The following USP34 variants were observed in gnomAD, a reference collection of about 807,000 sequenced individuals.
USP34 encodes the protein ubiquitin carboxyl-terminal hydrolase 34.
A neutral mutation model predicts 460.3 loss-of-function variants in USP34; 70 were observed. That is an observed-to-expected ratio of 0.15 (90% CI 0.13 to 0.19). The LOEUF is 0.19. Among genes scored for constraint, USP34 ranks in the 10% least tolerant of loss-of-function variants. USP34 has a pLI of 1.00. For missense variants in USP34, 3,985 were observed against 4,236.2 expected, an observed-to-expected ratio of 0.94 and a Z score of 1.65; for synonymous variants, 1,647 against 1,405.3, an observed-to-expected ratio of 1.17 and a Z score of -3.85.
At chr2:61,426,869 G>A (rs576248335) in intron 1 of USP34, among the ~76,000 whole-genome samples, 34 of 152,224 alleles carry the variant, frequency 2.2e-4, no homozygotes, top group Admixed American at 1.6e-3. Context: ...GCGAGACCGT[G>A]TGTTTGGGAG....
chr2:61,439,617 G>A (rs1349541042), intron 1 of USP34, among the ~76,000 whole-genome samples: 1 of 152,144 alleles, frequency 6.6e-6, no homozygotes, highest in Non-Finnish European at 1.5e-5. Flanking sequence ...TATCTGACGG[G>A]GACTCCTGTG....
chr2:61,242,503 G>T lies in USP34; in HGVS notation c.6628-684C>A, dbSNP rs530440601. Among the ~76,000 whole-genome samples the T allele has an allele frequency of 2.0e-3, 209 of 105,332 alleles. 1 individual carries two copies. Among genetic ancestry groups the T allele is most frequent in the African/African-American group, 7.5e-3 (198 of 26,410 alleles). 69.1% of individuals were successfully genotyped at this position (105,332 alleles called of 152,430 possible). ...CACACACACACACACACACACACACGATGCAAAGGAAAGAAAAGGGACCAT... is the reference window on the plus strand; with the variant it reads ...CACACACACACACACACACACACACTATGCAAAGGAAAGAAAAGGGACCAT... On this transcript the variant is annotated intron_variant, in intron 51 of 79. Transcript: ENST00000398571.
At chr2:61,390,036 C>T (rs1254648864) in intron 5 of USP34, among the ~76,000 whole-genome samples, 1 of 152,072 alleles carries the variant, frequency 6.6e-6, no homozygotes, top group African/African-American at 2.4e-5. Context: ...ATTAAACAGT[C>T]TTTGCTAGTA....
chr2:61,287,696 A>T (rs1689730554), intron 34 of USP34, among the ~76,000 whole-genome samples: 1 of 152,220 alleles, frequency 6.6e-6, no homozygotes, highest in African/African-American at 2.4e-5. Context: ...TTACTTTAAG[A>T]ATACAGTATA....
chr2:61,417,246 C>G, intron 2 of USP34: 1 of 1,350,814 alleles, frequency 7.4e-7, no homozygotes, highest in Non-Finnish European at 1.0e-6. Context: ...TCTGAAAGGC[C>G]TGTCTCCAAG....
Position 61,265,497 on chromosome 2 carries a change from A to G in USP34, c.5678T>C (p.Phe1893Ser). ...PHEDVRAECR[F>S]VGLTNLGATC... is the part of the protein sequence containing the mutation. Reference sequence around the variant, plus strand: ...AGCTCCAAGGTTAGTAAGGCCAACAAATCTACATTCAGCACGGACATCTTC... The same window carrying G: ...AGCTCCAAGGTTAGTAAGGCCAACAGATCTACATTCAGCACGGACATCTTC... The change falls in exon 43 of 80, where the codon TTT (phenylalanine) becomes TCT (serine). Residue 1893 changes from phenylalanine to serine, a missense_variant. Phe to Ser is a radical substitution (Grantham distance 155). Around this residue, in one of 14 missense-constraint regions of USP34, gnomAD observed 145 missense variants for 291.6 expected, o/e 0.50. Coordinates refer to ENST00000398571, the MANE Select transcript of USP34 (RefSeq NM_014709.4). 6.2e-7 allele frequency: 1 copy of G among 1,613,692 alleles called. No homozygotes were observed. Among genetic ancestry groups the G allele is most frequent in the Non-Finnish European group, 8.5e-7 (1 of 1,179,832 alleles).
chr2:61,246,269 A>C (rs1049338938), intron 50 of USP34, 55 bp downstream of exon 50: 4 of 1,355,956 alleles, frequency 2.9e-6, no homozygotes, highest in Non-Finnish European at 3.9e-6. Context: ...CACTGAAAAC[A>C]TATCAGAAAA....
chr2:61,289,116 C>A (rs1689774846), intron 33 of USP34, among the ~76,000 whole-genome samples: 1 of 151,990 alleles, frequency 6.6e-6, no homozygotes, highest in South Asian at 2.1e-4. Context: ...ATGGAAATGA[C>A]ACTTTCATTT....
intron 29 of USP34, among the ~76,000 whole-genome samples, chr2:61,298,838 C>G (rs1369819495): frequency 1.3e-5 from 2 of 151,670 alleles, no homozygotes; most frequent in African/African-American, 4.8e-5. Flanking sequence ...CCTTTCTGTC[C>G]TAGTATTTAA....
chr2:61,384,157 A>G (rs1693063691), intron 5 of USP34, among the ~76,000 whole-genome samples: 1 of 152,244 alleles, frequency 6.6e-6, no homozygotes, highest in Non-Finnish European at 1.5e-5. Flanking sequence ...GTACTTACTA[A>G]GTTTACTATA....
Position 61,350,633 on chromosome 2 carries a change from G to A in USP34, c.1312C>T (p.Pro438Ser), listed in dbSNP as rs900495738. Residue 438 changes from proline to serine, a missense_variant, in exon 11 of 80, where the codon CCC becomes TCC. Physicochemically the swap from Pro to Ser is moderately conservative, Grantham distance 74 (BLOSUM62 -1). Around this residue, in one of 14 missense-constraint regions of USP34, gnomAD observed 716 missense variants for 626.2 expected, o/e 1.14. Transcript: ENST00000398571. The part of the protein sequence containing the change: ...LFPSLIKNLD[P>S]VPLRHLLNLV... ...TTAAGTAGATGTCTAAGTGGTACGG[G>A]ATCCAAATTCTTGATGAGTGAAGGA... The A allele has an allele frequency of 1.2e-6, 2 of 1,613,790 alleles. No individual in the cohort carries two copies. The highest frequency in any genetic ancestry group is 1.7e-6 in the Non-Finnish European group (2 of 1,179,842).
In USP34 at chr2:61,246,326, TTTA is replaced by T; in HGVS notation, c.6543_6545del (p.Asn2181del). 6.5e-7 allele frequency: 1 copy of T among 1,547,168 alleles called. No individual in the cohort carries two copies. Among genetic ancestry groups the T allele is most frequent in the Non-Finnish European group, 8.7e-7 (1 of 1,146,204 alleles). On this transcript the variant is annotated inframe_deletion, in exon 50 of 80. Transcript: ENST00000398571. Reference sequence around the variant, plus strand: ...GTTTTGAAATATTTAAAACTCACCATTTATTGTTTTTATAAGCATGGGGATTTA... The same window carrying T: ...GTTTTGAAATATTTAAAACTCACCATTTGTTTTTATAAGCATGGGGATTTA...
chr2:61,212,662 C>G (rs780682517), intron 68 of USP34, among the ~76,000 whole-genome samples: 1 of 152,114 alleles, frequency 6.6e-6, no homozygotes, highest in Non-Finnish European at 1.5e-5. Context: ...ACTGAAACCC[C>G]CAGCTTCTTA....
chr2:61,387,695 A>G (rs551677496), intron 5 of USP34, among the ~76,000 whole-genome samples: 24 of 143,632 alleles, frequency 1.7e-4, no homozygotes, highest in East Asian at 5.9e-4. Flanking sequence ...TTTTACATAT[A>G]CACACATGTA....
intron 1 of USP34, among the ~76,000 whole-genome samples, chr2:61,457,224 C>T (rs1239727608): frequency 3.3e-5 from 5 of 152,034 alleles, no homozygotes; most frequent in Non-Finnish European, 5.9e-5. Context: ...TACAGTGAGC[C>T]GTGATCGTGC....
At chr2:61,206,182 G>A in intron 71 of USP34, 58 bp from the exon 72 acceptor site, 2 of 1,390,102 alleles carry the variant, frequency 1.4e-6, no homozygotes, top group Non-Finnish European at 2.0e-6. Flanking sequence ...CCTCACAAAT[G>A]TTTTCTACTG....
chr2:61,299,064 G>A (rs1690137982), intron 29 of USP34, among the ~76,000 whole-genome samples: 1 of 151,824 alleles, frequency 6.6e-6, no homozygotes, highest in Non-Finnish European at 1.5e-5. Context: ...GAAAACAGAG[G>A]TTTCATGGGC....
chr2:61,308,266 A>G (rs1218577837), intron 27 of USP34, among the ~76,000 whole-genome samples: 1 of 152,172 alleles, frequency 6.6e-6, no homozygotes, highest in Non-Finnish European at 1.5e-5. Context: ...AAAAAAAGCA[A>G]AATTCAACAA....
At chr2:61,338,865 T>C (rs1160596530) in intron 18 of USP34, among the ~76,000 whole-genome samples, 1 of 152,228 alleles carries the variant, frequency 6.6e-6, no homozygotes, top group East Asian at 1.9e-4. Context: ...ATCTAATATA[T>C]ACAACTTGAT....
Sources: gnomAD v4.1 joint callset for allele counts (sites outside exome capture counted in the v4.1 genomes callset) on GRCh38, gnomAD v4.1.1 for gene constraint, gnomAD v4.1.1 regional missense constraint, MANE v1.5 for transcripts, NCBI Gene and HGNC (gene_info 2026-07-23, HGNC 2026-07-21) for gene names.